Variants in CASQ2 observed in about 807,000 individuals in gnomAD.
CASQ2 encodes the protein calsequestrin 2, also known as calsequestrin-2.
CASQ2 carries 49 observed loss-of-function variants against 46.5 expected under a neutral mutation model. That is an observed-to-expected ratio of 1.05 (90% CI 0.84 to 1.34). CASQ2 has a LOEUF of 1.34. CASQ2 is among the 40% of genes most tolerant of loss of function. The probability of loss-of-function intolerance (pLI) is 0.00; values close to 1 mark genes in which losing one functional copy is unlikely to be tolerated. For missense variants in CASQ2, 486 were observed against 481.3 expected, an observed-to-expected ratio of 1.01 and a Z score of -0.09; for synonymous variants, 174 against 168.5, an observed-to-expected ratio of 1.03 and a Z score of -0.25.
intron 1 of CASQ2, among the ~76,000 whole-genome samples, chr1:115,752,314 A>G (rs1017990898): frequency 6.6e-6 from 1 of 152,184 alleles, no homozygotes; most frequent in Non-Finnish European, 1.5e-5. Context: ...TTGTCTAGCA[A>G]TTGTCCATGT....
chr1:115,762,715 GC>G (rs1450005368), intron 1 of CASQ2, among the ~76,000 whole-genome samples: 4 of 152,156 alleles, frequency 2.6e-5, no homozygotes, highest in African/African-American at 7.2e-5. Flanking sequence ...CCCGGAAAAA[GC>G]TTTTGTCCTT....
chr1:115,724,306 G>A (rs1172855993), intron 7 of CASQ2, among the ~76,000 whole-genome samples: 1 of 152,090 alleles, frequency 6.6e-6, no homozygotes, highest in Admixed American at 6.6e-5. Context: ...TTTGGTTTTT[G>A]TTTGTTTGTT....
intron 2 of CASQ2, among the ~76,000 whole-genome samples, chr1:115,742,690 T>C (rs1215114399): frequency 6.6e-6 from 1 of 152,184 alleles, no homozygotes; most frequent in Non-Finnish European, 1.5e-5. Flanking sequence ...TTCTCCCAAA[T>C]GCAACTTCTC....
In CASQ2 at chr1:115,738,182, C is replaced by G. The variant is rs142148317; in HGVS notation, c.532+42G>C. 2.1e-4 allele frequency: 261 copies of G among 1,224,450 alleles called. No individual in the cohort carries two copies. The African/African-American group carries it at 3.4e-3, about 16-fold the overall frequency. The allele number at this position is 1,224,450 out of a possible 1,614,324, so 75.8% of individuals were successfully genotyped here. On this transcript the variant is annotated intron_variant, in intron 4 of 10. Transcript: ENST00000261448. ...TAACCTGACATACCTTGTTTGGAAT[C>G]TAGCTTTTAGACTGATCGGCTGGGG...
Position 115,755,047 on chromosome 1 carries a change from G to A in CASQ2, c.235-10135C>T, listed in dbSNP as rs1162683006. Reference sequence around the variant, plus strand: ...AGGTGCTGCTGAGGCTGCCAGTCTCGGGCCCACACATTGAGAGCTGTGGCT... The same window carrying A: ...AGGTGCTGCTGAGGCTGCCAGTCTCAGGCCCACACATTGAGAGCTGTGGCT... On this transcript the variant is annotated intron_variant, in intron 1 of 10. Coordinates refer to ENST00000261448, the MANE Select transcript of CASQ2 (RefSeq NM_001232.4). Among the ~76,000 whole-genome samples the A allele has an allele frequency of 4.6e-5, 7 of 152,306 alleles. No individual in the cohort carries two copies. The East Asian group carries it at 5.8e-4, about 13-fold the overall frequency.
chr1:115,731,488 A>G (rs1317235372), intron 5 of CASQ2, among the ~76,000 whole-genome samples: 1 of 152,080 alleles, frequency 6.6e-6, no homozygotes, highest in Non-Finnish European at 1.5e-5. Flanking sequence ...CCCTTTCTCT[A>G]CTAATATCCT....
At chr1:115,712,319 T>C (rs1175473861) in intron 8 of CASQ2, among the ~76,000 whole-genome samples, 2 of 152,162 alleles carry the variant, frequency 1.3e-5, no homozygotes, top group African/African-American at 2.4e-5. Context: ...CCACACCCTC[T>C]TTCTCTGCCT....
intron 1 of CASQ2, among the ~76,000 whole-genome samples, chr1:115,753,162 C>T (rs760839308): frequency 6.6e-6 from 1 of 152,058 alleles, no homozygotes; most frequent in Non-Finnish European, 1.5e-5. Context: ...AGCCCAGACC[C>T]GGAGGTGCTG....
chr1:115,745,202 A>C (rs948258040), intron 1 of CASQ2, among the ~76,000 whole-genome samples: 1 of 152,164 alleles, frequency 6.6e-6, no homozygotes, highest in Admixed American at 6.5e-5. Context: ...GGAGTAGATA[A>C]AACCTGGATC....
At chr1:115,705,361 G>A (rs1654327331) in intron 8 of CASQ2, 69 bp from the exon 9 acceptor site, 2 of 1,014,842 alleles carry the variant, frequency 2.0e-6, no homozygotes, top group South Asian at 1.3e-5. Flanking sequence ...AGAGCAGAGT[G>A]TGATTTTTCC....
chr1:115,700,781 T>C lies in CASQ2; in HGVS notation c.*460A>G. 2.2e-6 allele frequency: 1 copy of C among 450,190 alleles called. No homozygotes were observed. The highest frequency in any genetic ancestry group is 6.4e-5 in the South Asian group (1 of 15,538). The allele number at this position is 450,190 out of a possible 1,614,324, so 27.9% of individuals were successfully genotyped here. ...GCTGGAGGAGGGATCCCAACTGATG[T>C]TCGAGGTATGGAGGGAGCTAAATCA... On this transcript the variant is annotated 3_prime_UTR_variant, in exon 11 of 11. Transcript: ENST00000261448.
intron 7 of CASQ2, among the ~76,000 whole-genome samples, chr1:115,724,987 G>A (rs984050732): frequency 6.6e-6 from 1 of 152,202 alleles, no homozygotes; most frequent in Admixed American, 6.5e-5. Flanking sequence ...TTTGCCTAGT[G>A]AGTAGTACCA....
chr1:115,753,824 A>G (rs1289818668), intron 1 of CASQ2, among the ~76,000 whole-genome samples: 2 of 152,098 alleles, frequency 1.3e-5, no homozygotes, highest in Non-Finnish European at 2.9e-5. Context: ...AGGGTCATAA[A>G]GAAAAAGGAG....
intron 8 of CASQ2, among the ~76,000 whole-genome samples, chr1:115,709,661 T>C (rs1272924146): frequency 1.3e-5 from 2 of 152,224 alleles, no homozygotes; most frequent in African/African-American, 4.8e-5. Context: ...TAGCCCTCAC[T>C]CAGAACATTT....
chr1:115,715,819 G>T (rs1407091127), intron 8 of CASQ2, among the ~76,000 whole-genome samples: 1 of 152,106 alleles, frequency 6.6e-6, no homozygotes, highest in African/African-American at 2.4e-5. Context: ...AAGATTTTGG[G>T]GCTCTGTCTT....
intron 10 of CASQ2, 81 bp downstream of exon 10, chr1:115,702,840 A>G: frequency 9.2e-7 from 1 of 1,091,990 alleles, no homozygotes; most frequent in Non-Finnish European, 1.4e-6. Context: ...GCTACTATAG[A>G]TGCTCTCACA....
intron 7 of CASQ2, among the ~76,000 whole-genome samples, chr1:115,720,559 G>C (rs553992006): frequency 6.6e-6 from 1 of 152,170 alleles, no homozygotes; most frequent in East Asian, 1.9e-4. Flanking sequence ...CCCCTGCAGG[G>C]TTTGCAGAAA....
intron 1 of CASQ2, among the ~76,000 whole-genome samples, chr1:115,758,952 A>G (rs1486126581): frequency 6.6e-6 from 1 of 152,242 alleles, no homozygotes; most frequent in African/African-American, 2.4e-5. Context: ...GGGGTGTCAG[A>G]CAATATGCAA....
At chr1:115,726,648 A>G (rs1308292922) in intron 6 of CASQ2, among the ~76,000 whole-genome samples, 1 of 152,222 alleles carries the variant, frequency 6.6e-6, no homozygotes, top group East Asian at 1.9e-4. Flanking sequence ...AGATTAGATA[A>G]AATAGTTTCC....
Sources: allele counts gnomAD v4.1 joint callset (sites outside exome capture counted in the v4.1 genomes callset), GRCh38; gene constraint gnomAD v4.1.1; transcripts MANE v1.5; gene names NCBI Gene and HGNC (gene_info 2026-07-23, HGNC 2026-07-21).